The following GPR19 variants were observed in gnomAD, a reference collection of about 807,000 sequenced individuals.
GPR19 encodes the protein G protein-coupled receptor 19.
In GPR19, 14 loss-of-function variants were observed where a neutral mutation model predicts 28.5. That is an observed-to-expected ratio of 0.49 (90% confidence interval 0.32 to 0.77). GPR19 has a LOEUF of 0.77. Among genes scored for constraint, GPR19 ranks in the 30% least tolerant of loss-of-function variants. The pLI, the probability that GPR19 is intolerant of heterozygous loss-of-function variation, is 0.03. For missense variants in GPR19, 409 were observed against 504.1 expected (o/e 0.81, Z 1.81); for synonymous variants, 173 against 184.1 (o/e 0.94, Z 0.49).
chr12:12,678,926 A>G (rs1223422421), intron 3 of GPR19, among the ~76,000 whole-genome samples: 1 of 152,118 alleles, frequency 6.6e-6, no homozygotes, highest in Non-Finnish European at 1.5e-5. Flanking sequence ...CTTCATGTGT[A>G]ACTGGAATTA....
intron 3 of GPR19, among the ~76,000 whole-genome samples, chr12:12,681,695 G>A (rs144603687): frequency 6.6e-6 from 1 of 152,326 alleles, no homozygotes; most frequent in East Asian, 1.9e-4. Flanking sequence ...GAGGTGAGCA[G>A]CATGAGCTGG....
intron 3 of GPR19, among the ~76,000 whole-genome samples, chr12:12,668,366 A>G (rs1235530627): frequency 6.6e-6 from 1 of 152,166 alleles, no homozygotes; most frequent in Non-Finnish European, 1.5e-5. Context: ...TGAAAATCAT[A>G]CTTTGTTGGA....
the GPR19 span, among the ~76,000 whole-genome samples, chr12:12,709,581 A>C: frequency 6.6e-6 from 1 of 152,128 alleles, no homozygotes; most frequent in Non-Finnish European, 1.5e-5. Flanking sequence ...CTGGGATCAC[A>C]GGCACATGCC....
intron 3 of GPR19, among the ~76,000 whole-genome samples, chr12:12,676,256 A>G (rs1350855604): frequency 6.6e-6 from 1 of 152,242 alleles, no homozygotes; most frequent in Admixed American, 6.5e-5. Flanking sequence ...AAGGACCTTA[A>G]GTAAATCAAC....
intron 3 of GPR19, among the ~76,000 whole-genome samples, chr12:12,675,186 G>T (rs1566147247): frequency 6.6e-6 from 1 of 152,120 alleles, no homozygotes; most frequent in East Asian, 1.9e-4. Flanking sequence ...CAATTCAGAG[G>T]TTTTTTTATA....
intron 3 of GPR19, among the ~76,000 whole-genome samples, chr12:12,670,662 A>G (rs558328998): frequency 5.3e-5 from 8 of 152,248 alleles, no homozygotes; most frequent in Non-Finnish European, 1.0e-4. Context: ...TGTCTGGAAC[A>G]AAGCAACTGC....
In GPR19 at chr12:12,696,152, A is replaced by T. The variant is rs1946256163; in HGVS notation, c.-320T>A. ...AGATCAACGCGACGGACACTCCCCA[A>T]GGGCCAAATCGGACCGCCTCTCACT... On this transcript the variant is annotated 5_prime_UTR_variant, in exon 1 of 4. It adds an upstream start codon to the 5' untranslated region. Transcript: ENST00000651487. The T allele has an allele frequency of 6.6e-6, 1 of 152,160 alleles. No homozygotes were observed. Among genetic ancestry groups the T allele is most frequent in the Non-Finnish European group, 1.5e-5 (1 of 68,018 alleles). The allele number at this position is 152,160 out of a possible 1,614,324, so 9.4% of individuals were successfully genotyped here.
upstream of GPR19, among the ~76,000 whole-genome samples, chr12:12,696,996 C>T (rs1371574957): frequency 6.6e-6 from 1 of 151,810 alleles, no homozygotes; most frequent in Admixed American, 6.6e-5. Flanking sequence ...TGGCAAGCAG[C>T]CACAGTTAAT....
At position 12,661,235 on chromosome 12, in the gene GPR19, G is replaced by C. The variant is rs145077282; in HGVS notation, c.1214C>G (p.Pro405Arg). ...REAKEKKLAWPINSNPPNTFV is the reference protein window; with the variant it reads ...REAKEKKLAWRINSNPPNTFV ...AGTATTTGGTGGATTTGAGTTAATG[G>C]GCCAAGCAAGCTTTTTTTCCTTGGC... is the stretch of plus-strand genomic sequence containing the variant. Residue 405 changes from proline (P) to arginine (R), a missense_variant, in exon 4 of 4, where the codon CCC becomes CGC. Pro to Arg is a moderately radical substitution (Grantham distance 103). Transcript: ENST00000651487. This position sits in a 1 kb window ranked among gnomAD's most constrained non-coding sequence, Gnocchi z 4.2. The C allele has an allele frequency of 5.1e-5, 83 of 1,611,704 alleles. 2 individuals are homozygous for C. The East Asian group carries it at 1.8e-3, about 35-fold the overall frequency.
intron 2 of GPR19, among the ~76,000 whole-genome samples, chr12:12,686,577 T>C (rs1339963989): frequency 1.3e-5 from 2 of 152,242 alleles, no homozygotes; most frequent in Non-Finnish European, 2.9e-5. Context: ...AGATGAGTAC[T>C]ATTACTGGCA....
intron 3 of GPR19, chr12:12,684,064 CCT>C (rs1271438110): frequency 1.3e-5 from 2 of 152,104 alleles, no homozygotes; most frequent in African/African-American, 2.4e-5. Flanking sequence ...AATTTTTTCC[CCT>C]CTTTCCAGGC....
At chr12:12,677,130 A>C (rs946024221) in intron 3 of GPR19, among the ~76,000 whole-genome samples, 2 of 152,166 alleles carry the variant, frequency 1.3e-5, no homozygotes, top group African/African-American at 4.8e-5. Context: ...ATTCCGGGTA[A>C]ATTTTGATCT....
intron 2 of GPR19, among the ~76,000 whole-genome samples, chr12:12,694,889 T>C (rs927175579): frequency 2.0e-5 from 3 of 152,210 alleles, no homozygotes; most frequent in African/African-American, 7.2e-5. Context: ...CCTGCAGCAT[T>C]TTCCTATGCA....
At chr12:12,697,268 G>C (rs1174785246), upstream of GPR19, among the ~76,000 whole-genome samples, 2 of 148,872 alleles carry the variant, frequency 1.3e-5, no homozygotes, top group Non-Finnish European at 3.0e-5. Context: ...GAAATGGTTT[G>C]AAGAGCTCTT....
At chr12:12,681,121 C>G (rs1946013014) in intron 3 of GPR19, among the ~76,000 whole-genome samples, 1 of 152,144 alleles carries the variant, frequency 6.6e-6, no homozygotes, top group Non-Finnish European at 1.5e-5. Context: ...TTAAGCCATC[C>G]TCTCAGCACA....
chr12:12,674,062 A>G (rs544279130), intron 3 of GPR19, among the ~76,000 whole-genome samples: 2 of 152,114 alleles, frequency 1.3e-5, no homozygotes, highest in African/African-American at 4.8e-5. Flanking sequence ...ATATATAAAA[A>G]TTAGCCCAGC....
upstream of GPR19, among the ~76,000 whole-genome samples, chr12:12,697,568 T>C (rs1946285305): frequency 6.6e-6 from 1 of 152,230 alleles, no homozygotes; most frequent in Non-Finnish European, 1.5e-5. Flanking sequence ...CTCTGTTATG[T>C]TTTTGAATGG....
intron 2 of GPR19, among the ~76,000 whole-genome samples, chr12:12,686,833 C>CA (rs900628502): frequency 5.9e-5 from 9 of 151,680 alleles, no homozygotes; most frequent in South Asian, 2.1e-4. Context: ...TTATTTGAGA[C>CA]AAAAAAAATG....
chr12:12,704,228 G>A, the GPR19 span, among the ~76,000 whole-genome samples: 42 of 152,302 alleles, frequency 2.8e-4, no homozygotes, highest in East Asian at 7.7e-4. Context: ...AAGGCCAGGC[G>A]CTGTGGCTCA....
Sources: allele counts gnomAD v4.1 joint callset (sites outside exome capture counted in the v4.1 genomes callset), GRCh38; gene constraint gnomAD v4.1.1; non-coding constraint Gnocchi (gnomAD v3.1); transcripts MANE v1.5; gene names NCBI Gene and HGNC (gene_info 2026-07-23, HGNC 2026-07-21).